Variants in PLA2G4A observed in about 807,000 individuals in gnomAD.
The protein encoded by PLA2G4A is phospholipase A2 group IVA.
PLA2G4A carries 40 observed loss-of-function variants against 81.9 expected under a neutral mutation model. The observed-to-expected ratio is 0.49, with a 90% CI of 0.38 to 0.64. The LOEUF (loss-of-function observed/expected upper bound fraction) is 0.64. Ranked by LOEUF, PLA2G4A falls within the 30% of genes least tolerant of loss-of-function variation. The pLI is 0.00. For synonymous variants in PLA2G4A, 302 were observed against 296.9 expected (o/e 1.02, Z -0.18); for missense variants, 715 against 905.1 (o/e 0.79, Z 2.69).
chr1:186,951,346 T>C (rs1656553782), intron 13 of PLA2G4A, among the ~76,000 whole-genome samples: 1 of 152,054 alleles, frequency 6.6e-6, no homozygotes, highest in Admixed American at 6.6e-5. Context: ...GAGGATCAGA[T>C]TTGCAACAAA....
intron 7 of PLA2G4A, among the ~76,000 whole-genome samples, chr1:186,921,495 A>G (rs1327376068): frequency 1.3e-5 from 2 of 152,204 alleles, no homozygotes; most frequent in Non-Finnish European, 2.9e-5. Flanking sequence ...GTCTGTCCTC[A>G]TCTACCCCAG....
chr1:186,882,225 A>C (rs1653760843), intron 3 of PLA2G4A, among the ~76,000 whole-genome samples: 1 of 152,106 alleles, frequency 6.6e-6, no homozygotes. Context: ...ACTTGATTTA[A>C]AGTTGCCAGT....
chr1:186,836,151 TA>T, intron 1 of PLA2G4A, among the ~76,000 whole-genome samples: 1 of 151,828 alleles, frequency 6.6e-6, no homozygotes, highest in African/African-American at 2.4e-5. Context: ...TATTATGTAT[TA>T]ATAAGTATTA....
intron 2 of PLA2G4A, among the ~76,000 whole-genome samples, chr1:186,859,523 C>T (rs540508441): frequency 6.6e-6 from 1 of 152,066 alleles, no homozygotes; most frequent in Non-Finnish European, 1.5e-5. Context: ...CACCTATTAA[C>T]AATGGAGGGG....
At chr1:186,905,588 A>C (rs1654705205) in intron 5 of PLA2G4A, among the ~76,000 whole-genome samples, 1 of 152,182 alleles carries the variant, frequency 6.6e-6, no homozygotes, top group Non-Finnish European at 1.5e-5. Context: ...ATGCTCATAG[A>C]ATTCTATATA....
chr1:186,859,871 A>G (rs1652734466), intron 2 of PLA2G4A, among the ~76,000 whole-genome samples: 1 of 152,178 alleles, frequency 6.6e-6, no homozygotes. Flanking sequence ...TCTGCTTCAC[A>G]GAGCTTTTAT....
Position 186,870,499 on chromosome 1 carries a change from G to A in PLA2G4A, c.98G>A (p.Gly33Glu). The change falls in exon 3 of 18, where the codon GGG becomes GAG. Residue 33 changes from glycine (G) to glutamate (E), a missense_variant. Gly to Glu is a moderately conservative substitution (Grantham distance 98, BLOSUM62 -2). Coordinates refer to ENST00000367466, the MANE Select transcript of PLA2G4A (RefSeq NM_024420.3). Reference protein sequence around the residue: ...VVLRATKVTKGAFGDMLDTPD... With the variant: ...VVLRATKVTKEAFGDMLDTPD... ...TTACGTGCCACCAAAGTGACAAAGG[G>A]GGCCTTTGGTGACATGCGTAAGTGC... 6.2e-7 allele frequency: 1 copy of A among 1,610,740 alleles called. No individual in the cohort carries two copies. The highest frequency in any genetic ancestry group is 1.7e-4 in the Middle Eastern group (1 of 6,008).
intron 3 of PLA2G4A, among the ~76,000 whole-genome samples, chr1:186,875,371 G>A (rs1023868387): frequency 6.6e-6 from 1 of 151,956 alleles, no homozygotes; most frequent in African/African-American, 2.4e-5. Flanking sequence ...TATTATCAAT[G>A]AGAATGATAG....
At chr1:186,904,290 G>A (rs1262605138) in intron 5 of PLA2G4A, among the ~76,000 whole-genome samples, 1 of 152,194 alleles carries the variant, frequency 6.6e-6, no homozygotes, top group African/African-American at 2.4e-5. Flanking sequence ...TAGGGTGTTG[G>A]GGGAAGCCTG....
chr1:186,913,905 G>C (rs1655049877), intron 7 of PLA2G4A, among the ~76,000 whole-genome samples: 1 of 152,138 alleles, frequency 6.6e-6, no homozygotes, highest in Non-Finnish European at 1.5e-5. Flanking sequence ...GTTTTAGGTG[G>C]GGGTAGGGTT....
At chr1:186,905,698 T>A (rs200279121) in intron 5 of PLA2G4A, among the ~76,000 whole-genome samples, 5 of 148,902 alleles carry the variant, frequency 3.4e-5, no homozygotes, top group Admixed American at 6.7e-5. Context: ...CTCCTCCTCC[T>A]CACACACACA....
At chr1:186,973,228 T>C (rs1657417929) in intron 15 of PLA2G4A, among the ~76,000 whole-genome samples, 1 of 152,222 alleles carries the variant, frequency 6.6e-6, no homozygotes, top group African/African-American at 2.4e-5. Flanking sequence ...CTCTAAAGCC[T>C]CCACAGTAGA....
chr1:186,932,837 A>G lies in PLA2G4A; in HGVS notation c.633A>G (p.Ala211=), dbSNP rs1358067970. 6.2e-7 allele frequency: 1 copy of G among 1,613,066 alleles called. No individual in the cohort carries two copies. The highest frequency in any genetic ancestry group is 8.5e-7 in the Non-Finnish European group (1 of 1,179,148). Reference sequence around the variant, plus strand: ...TGGGATTCTCTGGTGTGATGAAGGCATTATACGAATCAGGAATTCTGGATT... The same window carrying G: ...TGGGATTCTCTGGTGTGATGAAGGCGTTATACGAATCAGGAATTCTGGATT... ...AMVGFSGVMK[A]LYESGILDCA... The change falls in exon 8 of 18, where the codon GCA becomes GCG. Residue 211 remains alanine (A), a synonymous_variant. Transcript: ENST00000367466.
intron 2 of PLA2G4A, among the ~76,000 whole-genome samples, chr1:186,860,525 G>A (rs971372572): frequency 6.6e-6 from 1 of 152,154 alleles, no homozygotes; most frequent in Admixed American, 6.6e-5. Context: ...CTGCATCCAG[G>A]AGGGCAATCT....
At chr1:186,946,089 A>G (rs969816643) in intron 10 of PLA2G4A, among the ~76,000 whole-genome samples, 1 of 152,200 alleles carries the variant, frequency 6.6e-6, no homozygotes, top group Non-Finnish European at 1.5e-5. Flanking sequence ...GCGCTTAGAC[A>G]GTATACATCT....
chr1:186,956,459 C>A, intron 14 of PLA2G4A, 115 bp downstream of exon 14: 1 of 998,022 alleles, frequency 1.0e-6, no homozygotes, highest in Non-Finnish European at 1.6e-6. Flanking sequence ...GTTATTACAA[C>A]CTGCATTTAA....
At position 186,950,719 on chromosome 1, in the gene PLA2G4A, G is replaced by A. The variant is rs200911298; in HGVS notation, c.1327G>A (p.Glu443Lys). The change falls in exon 13 of 18, where the codon GAA becomes AAA. Residue 443 changes from glutamate to lysine, a missense_variant. Physicochemically the swap from Glu to Lys is moderately conservative, Grantham distance 56. Coordinates refer to ENST00000367466, the MANE Select transcript of PLA2G4A (RefSeq NM_024420.3). Reference sequence around the variant, plus strand: ...CTCGGACAGTGATGATGAATCACACGAACCCAAAGGTGAGTGAGCCGGAAA... The same window carrying A: ...CTCGGACAGTGATGATGAATCACACAAACCCAAAGGTGAGTGAGCCGGAAA... ...DSSDSDDESH[E>K]PKGTENEDAG... 5.6e-5 allele frequency: 88 copies of A among 1,585,164 alleles called. No individual in the cohort carries two copies. The highest frequency in any genetic ancestry group is 3.4e-4 in the East Asian group (15 of 44,674).
intron 3 of PLA2G4A, among the ~76,000 whole-genome samples, chr1:186,874,154 T>A (rs1283137163): frequency 6.6e-6 from 1 of 152,110 alleles, no homozygotes; most frequent in African/African-American, 2.4e-5. Context: ...AATGTTGGGT[T>A]AATGTGTGTT....
intron 2 of PLA2G4A, among the ~76,000 whole-genome samples, chr1:186,860,425 C>CCAAA (rs35131542): frequency 6.6e-6 from 1 of 151,858 alleles, no homozygotes; most frequent in Non-Finnish European, 1.5e-5. Context: ...GGAGCTGTCT[C>CCAAA]GCTCAGTGAG....
Sources: allele counts gnomAD v4.1 joint callset (sites outside exome capture counted in the v4.1 genomes callset), GRCh38; gene constraint gnomAD v4.1.1; transcripts MANE v1.5; gene names NCBI Gene and HGNC (gene_info 2026-07-23, HGNC 2026-07-21).